The following MED13L variants were observed in gnomAD, a reference collection of about 807,000 sequenced individuals.
The protein encoded by MED13L is mediator complex subunit 13L, also known as mediator of RNA polymerase II transcription subunit 13-like.
Under a neutral mutation model 220.9 loss-of-function variants are expected in MED13L, and 7 were observed. That is an observed-to-expected ratio of 0.03 (90% CI 0.02 to 0.06). The LOEUF (loss-of-function observed/expected upper bound fraction) is 0.06, where lower values mean the gene tolerates loss of function less well. MED13L is among the 10% of genes least tolerant of loss of function. The pLI is 1.00. For missense variants in MED13L, 1,965 were observed against 2,760.5 expected, an observed-to-expected ratio of 0.71 and a Z score of 6.46; for synonymous variants, 1,011 against 1,015.2, an observed-to-expected ratio of 1.00 and a Z score of 0.08.
Position 116,165,259 on chromosome 12 carries a change from C to CTTTTTTT in MED13L, c.311-53754_311-53748dup, listed in dbSNP as rs34196219. ...TTAAGGCAATGAAGTAGGCACCATC[C>CTTTTTTT]TTTTTTTTTTTTTTTTTTTTTTTTT... On this transcript the variant is annotated intron_variant, in intron 2 of 30. Coordinates refer to ENST00000281928, the MANE Select transcript of MED13L (RefSeq NM_015335.5). 2.4e-4 allele frequency among the ~76,000 whole-genome samples: 18 copies of CTTTTTTT among 74,484 alleles called. 2 individuals are homozygous for CTTTTTTT. The highest frequency in any genetic ancestry group is 9.5e-4 in the African/African-American group (16 of 16,920). 48.9% of individuals were successfully genotyped at this position (74,484 alleles called of 152,430 possible).
rs1377759837 is a variant in MED13L, at chr12:115,983,632, T to C, written c.4532-92A>G. 3 of 1,361,588 alleles carry C rather than the reference T, an allele frequency of 2.2e-6. No homozygotes were observed. The Admixed American group carries it at 5.6e-5, about 25-fold the overall frequency. The allele number at this position is 1,361,588 out of a possible 1,614,324, so 84.3% of individuals were successfully genotyped here. A position where few individuals can be genotyped will look rare whatever the true frequency, so the allele number is the denominator to read the frequency against. On this transcript the variant is annotated intron_variant, in intron 20 of 30. Coordinates refer to ENST00000281928, the MANE Select transcript of MED13L (RefSeq NM_015335.5). ...AGAATGGTCACTTGTAAAAACATTATGCTTTCAGGCTGCAATACTCTGATT... is the reference window on the plus strand; with the variant it reads ...AGAATGGTCACTTGTAAAAACATTACGCTTTCAGGCTGCAATACTCTGATT...
intron 2 of MED13L, among the ~76,000 whole-genome samples, chr12:116,149,704 G>A (rs998865182): frequency 6.6e-5 from 10 of 152,184 alleles, no homozygotes; most frequent in African/African-American, 2.2e-4. Flanking sequence ...AAGGAAAGAC[G>A]CTGATACAGA....
intron 1 of MED13L, among the ~76,000 whole-genome samples, chr12:116,272,806 G>T (rs1244541224): frequency 6.6e-6 from 1 of 152,032 alleles, no homozygotes; most frequent in Non-Finnish European, 1.5e-5. Flanking sequence ...CTTTAAAACA[G>T]TCCAGTAAAC....
At chr12:116,263,660 T>C (rs1001606919) in intron 1 of MED13L, among the ~76,000 whole-genome samples, 2 of 152,162 alleles carry the variant, frequency 1.3e-5, no homozygotes, top group African/African-American at 4.8e-5. Flanking sequence ...CAAACCAAAC[T>C]TCAGTTTAAA....
At chr12:116,073,508 G>A (rs1193736208) in intron 4 of MED13L, among the ~76,000 whole-genome samples, 2 of 152,180 alleles carry the variant, frequency 1.3e-5, no homozygotes, top group African/African-American at 4.8e-5. Context: ...AGAACTAAAT[G>A]AATGTAAAAG....
At chr12:115,977,350 T>C (rs1396333584) in intron 23 of MED13L, among the ~76,000 whole-genome samples, 1 of 152,122 alleles carries the variant, frequency 6.6e-6, no homozygotes, top group Non-Finnish European at 1.5e-5. Flanking sequence ...ATCATAGGGA[T>C]TCAAAACTCA....
At chr12:116,160,642 C>T (rs1258253287) in intron 2 of MED13L, among the ~76,000 whole-genome samples, 11 of 151,920 alleles carry the variant, frequency 7.2e-5, no homozygotes, top group Admixed American at 5.2e-4. Context: ...GTGGCATGAT[C>T]AGAGCTCCCT....
chr12:116,237,725 T>C lies in MED13L; in HGVS notation c.73-20A>G. 3 of 1,603,464 alleles carry C rather than the reference T, an allele frequency of 1.9e-6. No individual in the cohort carries two copies. In the South Asian group the frequency reaches 3.3e-5, roughly 18 times the overall value. The stretch of plus-strand genomic sequence containing the variant: ...TTCAGCCTGGAAAAAGACAAAAAAT[T>C]GTAATCGTTTTCTCATTTTACTTAC... On this transcript the variant is annotated intron_variant, in intron 1 of 30. Coordinates refer to ENST00000281928, the MANE Select transcript of MED13L (RefSeq NM_015335.5).
chr12:116,095,777 C>T (rs933214622), intron 4 of MED13L, among the ~76,000 whole-genome samples: 1 of 152,144 alleles, frequency 6.6e-6, no homozygotes, highest in Non-Finnish European at 1.5e-5. Flanking sequence ...ATGTGTGCTA[C>T]ATTCAGAGGT....
chr12:116,043,615 A>G (rs1881663992), intron 4 of MED13L, among the ~76,000 whole-genome samples: 2 of 152,224 alleles, frequency 1.3e-5, no homozygotes, highest in Non-Finnish European at 2.9e-5. Flanking sequence ...AAAGCAGGCA[A>G]GTTAAACTGG....
chr12:116,245,734 A>C (rs993696621), intron 1 of MED13L, among the ~76,000 whole-genome samples: 3 of 148,260 alleles, frequency 2.0e-5, no homozygotes, highest in Non-Finnish European at 2.9e-5. Flanking sequence ...CCAGAAAGTG[A>C]AACAAATAAA....
intron 4 of MED13L, among the ~76,000 whole-genome samples, chr12:116,031,759 AGAAGGAAGGAAGGAAGGAAG>A (rs201576613): frequency 2.4e-5 from 1 of 40,952 alleles, no homozygotes; most frequent in Admixed American, 2.9e-4. Flanking sequence ...AGAAAAGAAA[AGAAGGAAGGAAGGAAGGAAG>A]GAAGGAAGGA....
rs770292599 is a variant in MED13L at position 115,975,322 on chromosome 12, T to TA, written c.5589-10dup. 3.7e-6 allele frequency: 6 copies of TA among 1,613,872 alleles called. No individual in the cohort carries two copies. Among genetic ancestry groups the TA allele is most frequent in the Admixed American group, 1.7e-5 (1 of 59,996 alleles). On this transcript the variant is annotated splice_polypyrimidine_tract_variant and intron_variant, in intron 24 of 30. Coordinates refer to ENST00000281928, the MANE Select transcript of MED13L (RefSeq NM_015335.5). ...CTTTACTCCTCCGTGACCTAACAAA[T>TA]AAAGAAATGGGGAAGGGGAAGGGGT...
intron 4 of MED13L, among the ~76,000 whole-genome samples, chr12:116,062,846 G>A (rs1252939598): frequency 6.6e-6 from 1 of 152,076 alleles, no homozygotes; most frequent in African/African-American, 2.4e-5. Context: ...CACACAACAT[G>A]GAGTCCCAGA....
At position 115,982,609 on chromosome 12, in the gene MED13L, G is replaced by GA. The variant is rs1315184986; in HGVS notation, c.4956-7dup. Reference sequence around the variant, plus strand: ...TTCTCTCCCTTTCTGTAACACTGGAGAGAGAGTCACTTGTGAGATGCACAA... The same window carrying GA: ...TTCTCTCCCTTTCTGTAACACTGGAGAAGAGAGTCACTTGTGAGATGCACAA... On this transcript the variant is annotated splice_region_variant and splice_polypyrimidine_tract_variant and intron_variant, in intron 21 of 30. Coordinates refer to ENST00000281928, the MANE Select transcript of MED13L (RefSeq NM_015335.5). 1.9e-6 allele frequency: 3 copies of GA among 1,607,618 alleles called. No individual in the cohort carries two copies. The Admixed American group carries it at 5.0e-5, about 27-fold the overall frequency.
At chr12:115,984,667 T>G (rs761019056) in intron 19 of MED13L, among the ~76,000 whole-genome samples, 65 of 152,260 alleles carry the variant, frequency 4.3e-4, no homozygotes, top group Non-Finnish European at 4.4e-4. Context: ...ACTACCTGAT[T>G]GCTAACGGAC....
Position 116,047,569 on chromosome 12 carries a change from A to G in MED13L, c.480-24968T>C, listed in dbSNP as rs1003455629. ...CAGCTAAAATAATGTTAGTAATTAG[A>G]AACAGAAAATTAAAGAAAATAGATT... On this transcript the variant is annotated intron_variant, in intron 4 of 30. Transcript: ENST00000281928. 2.0e-5 allele frequency among the ~76,000 whole-genome samples: 3 copies of G among 152,346 alleles called. No homozygotes were observed. In the South Asian group the frequency reaches 6.2e-4, roughly 32 times the overall value.
At chr12:116,063,828 G>A (rs1337457104) in intron 4 of MED13L, among the ~76,000 whole-genome samples, 1 of 152,012 alleles carries the variant, frequency 6.6e-6, no homozygotes, top group Non-Finnish European at 1.5e-5. Context: ...TGTACCTACG[G>A]GGGATTGGTT....
intron 5 of MED13L, 27 bp from the exon 6 acceptor site, chr12:116,019,999 T>C (rs11611238): frequency 6.3e-7 from 1 of 1,588,442 alleles, no homozygotes; most frequent in South Asian, 1.1e-5. Flanking sequence ...AAATACATGC[T>C]AAACATTAGA....
Sources: allele counts gnomAD v4.1 joint callset (sites outside exome capture counted in the v4.1 genomes callset), GRCh38; gene constraint gnomAD v4.1.1; transcripts MANE v1.5; gene names NCBI Gene and HGNC (gene_info 2026-07-23, HGNC 2026-07-21).